RNGTT: variants seen among roughly 807,000 people sequenced by gnomAD.
The protein encoded by RNGTT is mRNA-capping enzyme.
A neutral mutation model predicts 79.3 loss-of-function variants in RNGTT; 33 were observed. The ratio of observed to expected loss-of-function variants is 0.42; its 90% CI spans 0.32 to 0.56. RNGTT has a LOEUF of 0.56. RNGTT is among the 20% of genes least tolerant of loss of function. The pLI is 0.17. For missense variants in RNGTT, 497 were observed against 739.1 expected (o/e 0.67, Z 3.80); for synonymous variants, 222 against 235.9 (o/e 0.94, Z 0.54).
At chr6:88,867,111 C>A (rs535323125) in intron 8 of RNGTT, among the ~76,000 whole-genome samples, 4 of 152,270 alleles carry the variant, frequency 2.6e-5, no homozygotes, top group East Asian at 1.9e-4. Flanking sequence ...CCAGGTGATT[C>A]ACATACACAT....
intron 13 of RNGTT, among the ~76,000 whole-genome samples, chr6:88,693,712 T>C (rs1421241658): frequency 6.6e-6 from 1 of 152,166 alleles, no homozygotes; most frequent in Non-Finnish European, 1.5e-5. Flanking sequence ...AATGAAATAC[T>C]AGCAAATCAA....
intron 14 of RNGTT, among the ~76,000 whole-genome samples, chr6:88,645,588 A>G (rs1165947776): frequency 2.0e-5 from 3 of 152,238 alleles, no homozygotes; most frequent in Non-Finnish European, 4.4e-5. Context: ...GCATCACGCT[A>G]CCTGACTCCA....
At chr6:88,705,967 C>A (rs1201556200) in intron 13 of RNGTT, among the ~76,000 whole-genome samples, 3 of 149,230 alleles carry the variant, frequency 2.0e-5, no homozygotes, top group Admixed American at 2.0e-4. Flanking sequence ...TTATTTGGGG[C>A]AGTAGGAAGA....
chr6:88,867,093 C>T (rs970646975), intron 8 of RNGTT, among the ~76,000 whole-genome samples: 4 of 152,164 alleles, frequency 2.6e-5, no homozygotes, highest in African/African-American at 9.7e-5. Flanking sequence ...AGCATTTTAA[C>T]AAGATTTCCA....
chr6:88,913,108 G>A (rs1419880009), intron 4 of RNGTT, among the ~76,000 whole-genome samples: 4 of 151,804 alleles, frequency 2.6e-5, no homozygotes, highest in Non-Finnish European at 5.9e-5. Context: ...GGGAGGCTGA[G>A]GCATGAGAAT....
At chr6:88,747,568 T>C (rs544226611) in intron 13 of RNGTT, among the ~76,000 whole-genome samples, 1 of 152,174 alleles carries the variant, frequency 6.6e-6, no homozygotes, top group Non-Finnish European at 1.5e-5. Context: ...TGGGAGCTTG[T>C]GAAGAAGTCT....
chr6:88,960,236 C>T (rs1338952602), intron 1 of RNGTT, among the ~76,000 whole-genome samples: 3 of 152,226 alleles, frequency 2.0e-5, no homozygotes, highest in East Asian at 1.9e-4. Context: ...CCAGGACTAG[C>T]ACAAAGTAGA....
At chr6:88,759,897 TTAAC>T (rs1207438112) in intron 13 of RNGTT, among the ~76,000 whole-genome samples, 1 of 152,166 alleles carries the variant, frequency 6.6e-6, no homozygotes, top group African/African-American at 2.4e-5. Flanking sequence ...AAGTAGGAAT[TTAAC>T]TAATATTTAA....
chr6:88,758,410 G>A (rs1445865862), intron 13 of RNGTT, among the ~76,000 whole-genome samples: 1 of 152,176 alleles, frequency 6.6e-6, no homozygotes, highest in Non-Finnish European at 1.5e-5. Flanking sequence ...CACAAGGCAA[G>A]CCTCAGAGCT....
intron 13 of RNGTT, among the ~76,000 whole-genome samples, chr6:88,738,193 T>C (rs1324294999): frequency 1.4e-5 from 2 of 142,650 alleles, no homozygotes; most frequent in Non-Finnish European, 3.2e-5. Flanking sequence ...CCAAGTCTGA[T>C]TATGAGAAAA....
chr6:88,755,174 A>G (rs1777968632), intron 13 of RNGTT, among the ~76,000 whole-genome samples: 1 of 152,190 alleles, frequency 6.6e-6, no homozygotes, highest in South Asian at 2.1e-4. Context: ...GGAAAAAGGA[A>G]GACGTTAGCA....
chr6:88,962,009 T>G (rs927014640), intron 1 of RNGTT, among the ~76,000 whole-genome samples: 1 of 152,216 alleles, frequency 6.6e-6, no homozygotes, highest in Non-Finnish European at 1.5e-5. Flanking sequence ...ATAATCTGGA[T>G]GAGTATCAAA....
At chr6:88,930,808 T>C (rs1462957678) in intron 2 of RNGTT, among the ~76,000 whole-genome samples, 1 of 151,920 alleles carries the variant, frequency 6.6e-6, no homozygotes, top group African/African-American at 2.4e-5. Context: ...ATGGGGCAGA[T>C]TACAGGGAAG....
At chr6:88,632,316 T>A (rs1320296059) in intron 14 of RNGTT, among the ~76,000 whole-genome samples, 1 of 152,068 alleles carries the variant, frequency 6.6e-6, no homozygotes, top group Non-Finnish European at 1.5e-5. Flanking sequence ...CTATAACTTA[T>A]CCAAAGCATA....
intron 1 of RNGTT, among the ~76,000 whole-genome samples, chr6:88,955,512 T>G (rs1202143583): frequency 3.5e-5 from 5 of 141,004 alleles, no homozygotes; most frequent in South Asian, 2.2e-4. Context: ...ATCGTACCAC[T>G]GCACTCCAGC....
intron 11 of RNGTT, among the ~76,000 whole-genome samples, chr6:88,808,386 T>C (rs1274388781): frequency 6.6e-6 from 1 of 152,018 alleles, no homozygotes; most frequent in Admixed American, 6.6e-5. Context: ...GATATATATC[T>C]AATAGGCCCA....
intron 2 of RNGTT, among the ~76,000 whole-genome samples, chr6:88,940,545 C>T (rs1232472878): frequency 1.3e-5 from 2 of 152,146 alleles, no homozygotes; most frequent in African/African-American, 4.8e-5. Context: ...TCCTTGGTAG[C>T]TCAGGGTGTG....
chr6:88,662,600 G>A (rs1774229361), intron 14 of RNGTT, among the ~76,000 whole-genome samples: 1 of 152,176 alleles, frequency 6.6e-6, no homozygotes, highest in African/African-American at 2.4e-5. Flanking sequence ...ACATTTCTTG[G>A]TTCCCTGACC....
rs1771994948 is a variant in RNGTT at position 88,610,826 on chromosome 6, G to T, written c.*1893C>A. 6.6e-6 allele frequency: 1 copy of T among 152,212 alleles called. No homozygotes were observed. The allele number at this position is 152,212 out of a possible 1,614,324, so 9.4% of individuals were successfully genotyped here. ...ACTCCATTAAAGATCATTGGCAAAA[G>T]CTTGCTTTCGTATCTGCAAAAGGGC... On this transcript the variant is annotated 3_prime_UTR_variant, in exon 16 of 16. Transcript: ENST00000369485.
Sources: allele counts gnomAD v4.1 joint callset (sites outside exome capture counted in the v4.1 genomes callset), GRCh38; gene constraint gnomAD v4.1.1; transcripts MANE v1.5; gene names NCBI Gene and HGNC (gene_info 2026-07-23, HGNC 2026-07-21).